Variants in PRSS3 observed in about 807,000 individuals in gnomAD.
PRSS3 encodes the protein serine protease 3, also known as trypsin-3.
Under a neutral mutation model 20.8 loss-of-function variants are expected in PRSS3, and 14 were observed. The ratio of observed to expected loss-of-function variants is 0.67; its 90% CI spans 0.44 to 1.05. The LOEUF (loss-of-function observed/expected upper bound fraction) is 1.05, where lower values mean the gene tolerates loss of function less well. PRSS3 is among the 50% of genes least tolerant of loss of function. The pLI is 0.00. For missense variants in PRSS3, 237 were observed against 306.4 expected, an observed-to-expected ratio of 0.77 and a Z score of 1.69; for synonymous variants, 91 against 117.6, an observed-to-expected ratio of 0.77 and a Z score of 1.46.
At chr9:33,753,375 G>A (rs1376481015) in intron 1 of PRSS3, among the ~76,000 whole-genome samples, 1 of 152,112 alleles carries the variant, frequency 6.6e-6, no homozygotes. Flanking sequence ...AAAAAATAAA[G>A]CAAGTACCTC....
chr9:33,761,176 T>G (rs1012845811), intron 1 of PRSS3, among the ~76,000 whole-genome samples: 3 of 152,192 alleles, frequency 2.0e-5, no homozygotes, highest in Admixed American at 1.3e-4. Flanking sequence ...CATCCTAGAG[T>G]GTACTTATAC....
chr9:33,776,207 C>T (rs1367402431), intron 1 of PRSS3, among the ~76,000 whole-genome samples: 1 of 151,998 alleles, frequency 6.6e-6, no homozygotes, highest in Non-Finnish European at 1.5e-5. Flanking sequence ...AACCAGTGAA[C>T]ATGAAAATAG....
At chr9:33,792,828 T>G (rs1281219090), upstream of PRSS3, among the ~76,000 whole-genome samples, 2 of 152,220 alleles carry the variant, frequency 1.3e-5, no homozygotes, top group Admixed American at 1.3e-4. Context: ...TGATTCACTG[T>G]TATCAAAATT....
chr9:33,796,659 CGAT>C lies in PRSS3; in HGVS notation c.63_65del (p.Asp22del). 1 of 1,365,228 alleles carries C rather than the reference CGAT, an allele frequency of 7.3e-7. No individual in the cohort carries two copies. The highest frequency in any genetic ancestry group is 9.9e-7 in the Non-Finnish European group (1 of 1,005,634). The allele number at this position is 1,365,228 out of a possible 1,614,324, so 84.6% of individuals were successfully genotyped here. The stretch of plus-strand genomic sequence containing the variant: ...CCACTCCAGTTGCTGTCCCCTTTGA[CGAT>C]GATGACAAGATTGTTGGGGGCTACA... On this transcript the variant is annotated inframe_deletion, in exon 2 of 5. Transcript: ENST00000379405.
intron 1 of PRSS3, among the ~76,000 whole-genome samples, chr9:33,776,987 C>T (rs1372918197): frequency 2.0e-5 from 3 of 151,930 alleles, no homozygotes; most frequent in African/African-American, 4.8e-5. Flanking sequence ...AGAAAACCTA[C>T]CTAGGCACAT....
intron 1 of PRSS3, among the ~76,000 whole-genome samples, chr9:33,753,170 T>A (rs187632729): frequency 1.6e-4 from 24 of 152,314 alleles, no homozygotes; most frequent in African/African-American, 5.5e-4. Context: ...GATGGAAGAT[T>A]GTGATTTGTT....
intron 1 of PRSS3, among the ~76,000 whole-genome samples, chr9:33,768,454 G>A (rs1307821152): frequency 2.0e-5 from 3 of 151,748 alleles, no homozygotes; most frequent in African/African-American, 4.8e-5. Flanking sequence ...CAGCACTCCA[G>A]CCTGGGCAAT....
At chr9:33,755,211 A>C (rs1822888105) in intron 1 of PRSS3, among the ~76,000 whole-genome samples, 1 of 151,880 alleles carries the variant, frequency 6.6e-6, no homozygotes, top group Admixed American at 6.6e-5. Flanking sequence ...CCTTTATTTT[A>C]TTTCCGTTAG....
At chr9:33,787,321 G>A (rs186856683) in intron 1 of PRSS3, among the ~76,000 whole-genome samples, 20 of 152,274 alleles carry the variant, frequency 1.3e-4, no homozygotes, top group Non-Finnish European at 2.2e-4. Context: ...CCCTCTAGAT[G>A]CCTCAGTATG....
intron 1 of PRSS3, among the ~76,000 whole-genome samples, chr9:33,771,130 T>A (rs1178679770): frequency 1.3e-5 from 2 of 152,220 alleles, no homozygotes; most frequent in East Asian, 3.9e-4. Context: ...CAGGCCTGCT[T>A]CCCAAAGCCC....
At chr9:33,759,003 C>G (rs756974880) in intron 1 of PRSS3, among the ~76,000 whole-genome samples, 12 of 152,152 alleles carry the variant, frequency 7.9e-5, no homozygotes, top group Admixed American at 2.6e-4. Context: ...GTATAAGGTC[C>G]TTTGAAAACA....
intron 2 of PRSS3, 31 bp downstream of exon 2, chr9:33,796,833 C>T: frequency 6.2e-7 from 1 of 1,613,864 alleles, no homozygotes; most frequent in South Asian, 1.1e-5. Flanking sequence ...TGCAAAGCTC[C>T]CAGCCAGGCT....
chr9:33,784,405 G>GT lies in PRSS3; in HGVS notation c.-52-10337dup, dbSNP rs1393662970. Reference sequence around the variant, plus strand: ...CAAGAAAAACTGAAATATTCTATACGTTTTACTACTTCCACTTAGCAGAGT... The same window carrying GT: ...CAAGAAAAACTGAAATATTCTATACGTTTTTACTACTTCCACTTAGCAGAGT... On this transcript the variant is annotated intron_variant, in intron 1 of 5. Transcript: ENST00000342836. 2.0e-5 allele frequency among the ~76,000 whole-genome samples: 3 copies of GT among 152,246 alleles called. No individual in the cohort carries two copies. In the South Asian group the frequency reaches 6.2e-4, roughly 32 times the overall value.
chr9:33,795,308 G>T (rs1372353677), upstream of PRSS3, among the ~76,000 whole-genome samples: 4 of 151,738 alleles, frequency 2.6e-5, no homozygotes, highest in Non-Finnish European at 5.9e-5. Context: ...GGTTTCCCCT[G>T]TCTTCCCCAT....
At chr9:33,771,868 C>CTTTT (rs1823724890) in intron 1 of PRSS3, among the ~76,000 whole-genome samples, 1 of 127,938 alleles carries the variant, frequency 7.8e-6, no homozygotes. Flanking sequence ...TTCTTTCTTT[C>CTTTT]TTTTCTTTTT....
intron 1 of PRSS3, 109 bp downstream of exon 1, chr9:33,795,722 T>C: frequency 7.4e-7 from 1 of 1,354,342 alleles, no homozygotes; most frequent in South Asian, 1.2e-5. Context: ...ATATTCTATT[T>C]CCTCCATCTG....
chr9:33,799,207 T>G lies in PRSS3; in HGVS notation c.*27T>G, dbSNP rs1328176133. On this transcript the variant is annotated 3_prime_UTR_variant, in exon 5 of 5. Coordinates refer to ENST00000379405, the MANE Select transcript of PRSS3 (RefSeq NM_002771.4). Reference sequence around the variant, plus strand: ...GCCCCCGGTCCCTCTGCAGTCTCTATACCAATAAAGTGGCCCTGCTCTCAC... The same window carrying G: ...GCCCCCGGTCCCTCTGCAGTCTCTAGACCAATAAAGTGGCCCTGCTCTCAC... The G allele has an allele frequency of 2.5e-6, 4 of 1,612,874 alleles. No homozygotes were observed. The highest frequency in any genetic ancestry group is 3.4e-6 in the Non-Finnish European group (4 of 1,179,386).
At chr9:33,798,388 G>A in intron 3 of PRSS3, 98 bp from the exon 4 acceptor site, 2 of 1,555,318 alleles carry the variant, frequency 1.3e-6, no homozygotes, top group African/African-American at 1.4e-5. Context: ...CCTCTCCAGA[G>A]GCAGTGTTCC....
chr9:33,760,292 G>T (rs560137755), intron 1 of PRSS3, among the ~76,000 whole-genome samples: 81 of 151,770 alleles, frequency 5.3e-4, no homozygotes, highest in South Asian at 3.3e-3. Flanking sequence ...TTCTTTGTAG[G>T]TAATAGCCAT....
Sources: allele counts gnomAD v4.1 joint callset (sites outside exome capture counted in the v4.1 genomes callset), GRCh38; gene constraint gnomAD v4.1.1; transcripts MANE v1.5; gene names NCBI Gene and HGNC (gene_info 2026-07-23, HGNC 2026-07-21).